ACOX1: variants seen among roughly 807,000 people sequenced by gnomAD.
ACOX1 encodes peroxisomal acyl-coenzyme A oxidase 1.
A neutral mutation model predicts 75.5 loss-of-function variants in ACOX1; 41 were observed. The ratio of observed to expected loss-of-function variants is 0.54; its 90% CI spans 0.42 to 0.70. ACOX1 has a LOEUF of 0.70. ACOX1 is among the 30% of genes least tolerant of loss of function. ACOX1 has a pLI of 0.00. For synonymous variants in ACOX1, 303 were observed against 298.8 expected (o/e 1.01, Z -0.15); for missense variants, 630 against 837.5 (o/e 0.75, Z 3.06).
chr17:75,977,788 A>G (rs554555670), intron 2 of ACOX1, among the ~76,000 whole-genome samples: 3 of 152,276 alleles, frequency 2.0e-5, no homozygotes, highest in Non-Finnish European at 4.4e-5. Context: ...ACACTACCAT[A>G]TAATATAATC....
chr17:75,972,146 G>A (rs1177890231), intron 2 of ACOX1, among the ~76,000 whole-genome samples: 3 of 151,964 alleles, frequency 2.0e-5, no homozygotes, highest in African/African-American at 7.3e-5. Context: ...TGGCTTACAC[G>A]GTGAAACCCC....
rs781314608 is a variant in ACOX1 at position 75,949,901 on chromosome 17, A to G, written c.1299-4T>C. 6.2e-7 allele frequency: 1 copy of G among 1,614,162 alleles called. No homozygotes were observed. Among genetic ancestry groups the G allele is most frequent in the Non-Finnish European group, 8.5e-7 (1 of 1,180,026 alleles). On this transcript the variant is annotated splice_region_variant and splice_polypyrimidine_tract_variant and intron_variant, in intron 9 of 13. Coordinates refer to ENST00000293217, the MANE Select transcript of ACOX1 (RefSeq NM_004035.7). ...ATCATAACTTTTCATCAGGAACCTA[A>G]AAGTCACCAGTAAACATGCTTTTAG...
At chr17:75,969,097 T>C (rs1283054938) in intron 2 of ACOX1, among the ~76,000 whole-genome samples, 2 of 152,160 alleles carry the variant, frequency 1.3e-5, no homozygotes, top group Non-Finnish European at 2.9e-5. Flanking sequence ...TGTCCCTCAA[T>C]ATAGTAATTC....
At chr17:75,970,511 G>A (rs959756588) in intron 2 of ACOX1, among the ~76,000 whole-genome samples, 2 of 152,160 alleles carry the variant, frequency 1.3e-5, no homozygotes, top group African/African-American at 4.8e-5. Context: ...GAGGAAAGAA[G>A]ACACACTCTA....
At position 75,950,347 on chromosome 17, in the gene ACOX1, G is replaced by A. The variant is rs1465618216; in HGVS notation, c.1298+427C>T. Among the ~76,000 whole-genome samples the A allele has an allele frequency of 6.6e-6, 1 of 151,152 alleles. No individual in the cohort carries two copies. Among genetic ancestry groups the A allele is most frequent in the Non-Finnish European group, 1.5e-5 (1 of 67,852 alleles). Reference sequence around the variant, plus strand: ...TGCAACCTCCGCTTCCCAGGTTCAAGCGATTCTTCTGCCTCAGCCTCCCAA... The same window carrying A: ...TGCAACCTCCGCTTCCCAGGTTCAAACGATTCTTCTGCCTCAGCCTCCCAA... On this transcript the variant is annotated intron_variant, in intron 9 of 13. Coordinates refer to ENST00000293217, the MANE Select transcript of ACOX1 (RefSeq NM_004035.7). This position sits in a 1 kb window ranked among gnomAD's most constrained non-coding sequence, Gnocchi z 4.3.
At chr17:75,966,440 G>C (rs956579831) in intron 2 of ACOX1, among the ~76,000 whole-genome samples, 16 of 151,308 alleles carry the variant, frequency 1.1e-4, no homozygotes, top group Non-Finnish European at 1.9e-4. Flanking sequence ...CTGGGCAACA[G>C]AGCAAGACTC....
rs191177236 is a variant in ACOX1, at chr17:75,961,396, G to T, written c.270-1021C>A. Among the ~76,000 whole-genome samples the T allele has an allele frequency of 1.6e-3, 231 of 146,658 alleles. 2 individuals are homozygous for T. Among genetic ancestry groups the T allele is most frequent in the African/African-American group, 5.6e-3 (225 of 39,874 alleles). On this transcript the variant is annotated intron_variant, in intron 2 of 13. Transcript: ENST00000293217. ...GCACTTTGGGAGGCTGACGCAGGCG[G>T]ATCACTTGAGGTCAGGAGTTTGAGA...
In ACOX1 at chr17:75,957,344, G is replaced by C. The variant is rs558521508; in HGVS notation, c.538+115C>G. The C allele has an allele frequency of 9.5e-6, 9 of 946,488 alleles. No homozygotes were observed. In the South Asian group the frequency reaches 1.1e-4, roughly 11 times the overall value. The allele number at this position is 946,488 out of a possible 1,614,324, so 58.6% of individuals were successfully genotyped here. The stretch of plus-strand genomic sequence containing the variant: ...GATCTGCCCACCTCAGCCTCCCAAA[G>C]TGTTAGGATTTCACCACCAAGTCTG... On this transcript the variant is annotated intron_variant, in intron 4 of 13. Transcript: ENST00000293217.
At position 75,948,251 on chromosome 17, in the gene ACOX1, C is replaced by T; in HGVS notation, c.1935G>A (p.Glu645=). ...AGGTGCAGAGACACTGGATTTTTAC[C>T]TCTGCTTTGTTCAGTGGGGAGTTCT... ...WAKNSPLNKA[E]VHESYKHLKS... Residue 645 remains glutamate, a splice_region_variant and synonymous_variant, in exon 13 of 14, where the codon GAG becomes GAA. Coordinates refer to ENST00000293217, the MANE Select transcript of ACOX1 (RefSeq NM_004035.7). The T allele has an allele frequency of 6.2e-7, 1 of 1,614,010 alleles. No individual in the cohort carries two copies. The highest frequency in any genetic ancestry group is 8.5e-7 in the Non-Finnish European group (1 of 1,179,960).
In ACOX1 at chr17:75,978,932, G is replaced by C. The variant is rs1158727694; in HGVS notation, c.109+33C>G. 6.2e-7 allele frequency: 1 copy of C among 1,606,946 alleles called. No homozygotes were observed. Among genetic ancestry groups the C allele is most frequent in the South Asian group, 1.1e-5 (1 of 91,070 alleles). On this transcript the variant is annotated intron_variant, in intron 1 of 13. Coordinates refer to ENST00000293217, the MANE Select transcript of ACOX1 (RefSeq NM_004035.7). This position sits in a 1 kb window ranked among gnomAD's most constrained non-coding sequence, Gnocchi z 4.2. ...TCGAGGGAGTCTCCAGCTTTTCTCG[G>C]GAAAGGAGGGAGGTCTCGCCCGCCG...
intron 2 of ACOX1, among the ~76,000 whole-genome samples, chr17:75,971,279 A>C (rs969016698): frequency 1.5e-4 from 22 of 151,570 alleles, no homozygotes; most frequent in African/African-American, 5.3e-4. Context: ...CAACAAGAGC[A>C]AAACTCTGTC....
rs1344518809 is a variant in ACOX1 at position 75,943,531 on chromosome 17, C to T, written c.*3217G>A. The T allele has an allele frequency of 6.6e-6, 1 of 152,012 alleles. No individual in the cohort carries two copies. Among genetic ancestry groups the T allele is most frequent in the Non-Finnish European group, 1.5e-5 (1 of 68,066 alleles). The allele number at this position is 152,012 out of a possible 1,614,324, so 9.4% of individuals were successfully genotyped here. ...CCAGCCTGGGTGAGAGTGAGACCCT[C>T]ATGGGGTGGAAAAAAAAGATCTAAC... On this transcript the variant is annotated 3_prime_UTR_variant, in exon 14 of 14. Transcript: ENST00000293217.
At chr17:75,955,275 A>G (rs1427398379) in intron 6 of ACOX1, among the ~76,000 whole-genome samples, 1 of 149,964 alleles carries the variant, frequency 6.7e-6, no homozygotes, top group Admixed American at 6.7e-5. Context: ...TGATCCTCCC[A>G]CCCCAGTCTC....
intron 2 of ACOX1, among the ~76,000 whole-genome samples, chr17:75,974,439 T>A (rs773243414): frequency 1.4e-4 from 21 of 152,206 alleles, no homozygotes; most frequent in Non-Finnish European, 2.4e-4. Flanking sequence ...CACATTGAAA[T>A]TTAGTCCTCA....
At chr17:75,963,375 GA>G (rs1296468780) in intron 2 of ACOX1, among the ~76,000 whole-genome samples, 1 of 151,936 alleles carries the variant, frequency 6.6e-6, no homozygotes, top group African/African-American at 2.4e-5. Flanking sequence ...CCTAGCTGGG[GA>G]AATTACTGCA....
Position 75,955,695 on chromosome 17 carries a change from A to C in ACOX1, c.659-14T>G. On this transcript the variant is annotated splice_polypyrimidine_tract_variant and intron_variant, in intron 5 of 13. Transcript: ENST00000293217. ...CAACGGTAATTCCTACCACAGATGA[A>C]AGGACAGTCACGAGATGTTTATGCT... 2.5e-6 allele frequency: 4 copies of C among 1,612,442 alleles called. No individual in the cohort carries two copies. Among genetic ancestry groups the C allele is most frequent in the Non-Finnish European group, 3.4e-6 (4 of 1,178,480 alleles).
chr17:75,957,066 C>T (rs984537240), intron 4 of ACOX1, among the ~76,000 whole-genome samples: 1 of 149,544 alleles, frequency 6.7e-6, no homozygotes, highest in African/African-American at 2.5e-5. Context: ...TATGTACACA[C>T]ACCACACACA....
At position 75,945,087 on chromosome 17, in the gene ACOX1, A is replaced by AG. The variant is rs1398101565; in HGVS notation, c.*1660dup. On this transcript the variant is annotated 3_prime_UTR_variant, in exon 14 of 14. Transcript: ENST00000293217. ...AATAAAACGTGAGGTACTGGGTCAA[A>AG]GGGGGCTCTGCAGGTCGATGATCTC... 6.6e-6 allele frequency: 1 copy of AG among 152,102 alleles called. No homozygotes were observed. The highest frequency in any genetic ancestry group is 1.5e-5 in the Non-Finnish European group (1 of 68,012). The allele number at this position is 152,102 out of a possible 1,614,324, so 9.4% of individuals were successfully genotyped here.
At chr17:75,956,994 TATATATATATATATAC>T (rs1431986160) in intron 4 of ACOX1, among the ~76,000 whole-genome samples, 4 of 83,240 alleles carry the variant, frequency 4.8e-5, no homozygotes, top group Non-Finnish European at 1.1e-4. Flanking sequence ...TATATATATA[TATATATATATATATAC>T]ACACACACAC....
Sources: gnomAD v4.1 joint callset for allele counts (sites outside exome capture counted in the v4.1 genomes callset) on GRCh38, gnomAD v4.1.1 for gene constraint, Gnocchi (gnomAD v3.1) non-coding constraint, MANE v1.5 for transcripts, NCBI Gene and HGNC (gene_info 2026-07-23, HGNC 2026-07-21) for gene names.